Variants in PRICKLE2 observed in about 807,000 individuals in gnomAD.
PRICKLE2 encodes the protein prickle planar cell polarity protein 2.
PRICKLE2 carries 21 observed loss-of-function variants against 81.4 expected under a neutral mutation model. That is an observed-to-expected ratio of 0.26 (90% confidence interval 0.18 to 0.37). The LOEUF (loss-of-function observed/expected upper bound fraction) is 0.37. Among genes scored for constraint, PRICKLE2 ranks in the 10% least tolerant of loss-of-function variants. The probability of loss-of-function intolerance (pLI) is 1.00; values close to 1 mark genes in which losing one functional copy is unlikely to be tolerated. For synonymous variants in PRICKLE2, 456 were observed against 421.5 expected, an observed-to-expected ratio of 1.08 and a Z score of -1.00; for missense variants, 940 against 1,109.0, an observed-to-expected ratio of 0.85 and a Z score of 2.16.
At chr3:64,258,845 A>AGAAAGAAAGAAAGAAAGAAAGAAAG (rs1553663503) in intron 2 of PRICKLE2, among the ~76,000 whole-genome samples, 1 of 34,004 alleles carries the variant, frequency 2.9e-5, no homozygotes, top group Non-Finnish European at 5.2e-5. Context: ...AAAAAAAAAA[A>AGAAAGAAAGAAAGAAAGAAAGAAAG]AAAGAAAGAA....
At chr3:64,257,020 G>T in intron 2 of PRICKLE2, among the ~76,000 whole-genome samples, 1 of 152,158 alleles carries the variant, frequency 6.6e-6, no homozygotes, top group East Asian at 1.9e-4. Flanking sequence ...ACATGTATAA[G>T]TTGCCAACCT....
At chr3:64,113,589 T>C (rs908575589) in intron 7 of PRICKLE2, among the ~76,000 whole-genome samples, 1 of 152,148 alleles carries the variant, frequency 6.6e-6, no homozygotes. Context: ...TGCTGGCACA[T>C]GTCTGCACAG....
chr3:64,241,529 T>A (rs1231072880), intron 2 of PRICKLE2, among the ~76,000 whole-genome samples: 1 of 152,228 alleles, frequency 6.6e-6, no homozygotes, highest in South Asian at 2.1e-4. Flanking sequence ...TACCAGCTTT[T>A]CAGTATTTTA....
chr3:64,242,556 T>A (rs1174038701), intron 2 of PRICKLE2, among the ~76,000 whole-genome samples: 1 of 152,282 alleles, frequency 6.6e-6, no homozygotes, highest in African/African-American at 2.4e-5. Context: ...ATTTACAGTA[T>A]AGAGCAACAA....
rs560238850 is a variant in PRICKLE2 at position 64,198,090 on chromosome 3, T to C, written c.144+694A>G. On this transcript the variant is annotated intron_variant, in intron 2 of 7. Coordinates refer to ENST00000638394, the MANE Select transcript of PRICKLE2 (RefSeq NM_198859.4). ...AGCCAGGGGTGGTGGCGGGTGCCTG[T>C]AGTCCCAGCTACTCGGGAGGCTAAG... Among the ~76,000 whole-genome samples, 49 of 151,990 alleles carry C rather than the reference T, an allele frequency of 3.2e-4. No homozygotes were observed. In the South Asian group the frequency reaches 1.0e-2, roughly 31 times the overall value.
At chr3:64,155,591 C>T (rs1487268496) in intron 5 of PRICKLE2, among the ~76,000 whole-genome samples, 5 of 152,060 alleles carry the variant, frequency 3.3e-5, no homozygotes, top group African/African-American at 9.7e-5. Flanking sequence ...TTCATAGCAG[C>T]GTTGTTTAGA....
chr3:64,131,760 T>C (rs1320609754), intron 7 of PRICKLE2, among the ~76,000 whole-genome samples: 1 of 152,216 alleles, frequency 6.6e-6, no homozygotes, highest in Non-Finnish European at 1.5e-5. Context: ...CTCCACCCTG[T>C]ACTTCTCAAT....
chr3:64,159,828 A>G lies in PRICKLE2; in HGVS notation c.396+112T>C, dbSNP rs953958214. On this transcript the variant is annotated intron_variant, in intron 4 of 7. Transcript: ENST00000638394. ...GATGAAACTTTCCCGTCTTTTGTTC[A>G]CTACTGTATCTCAGGCACATAGTAG... 4.7e-5 allele frequency: 65 copies of G among 1,382,314 alleles called. No homozygotes were observed. In the African/African-American group the frequency reaches 9.1e-4, roughly 19 times the overall value. The allele number at this position is 1,382,314 out of a possible 1,614,324, so 85.6% of individuals were successfully genotyped here. A position where few individuals can be genotyped will look rare whatever the true frequency, so the allele number is the denominator to read the frequency against.
At chr3:64,261,636 C>A (rs2079616110) in intron 2 of PRICKLE2, among the ~76,000 whole-genome samples, 1 of 151,930 alleles carries the variant, frequency 6.6e-6, no homozygotes, top group Admixed American at 6.6e-5. Context: ...AAGCTCCTAG[C>A]CAGGCAAAGA....
At chr3:64,142,478 T>C (rs555334985) in intron 7 of PRICKLE2, among the ~76,000 whole-genome samples, 32 of 152,204 alleles carry the variant, frequency 2.1e-4, no homozygotes, top group African/African-American at 7.7e-4. Flanking sequence ...GCCTGGCTAA[T>C]TTCTGTATTT....
chr3:64,197,528 A>G (rs1224722673), intron 2 of PRICKLE2, among the ~76,000 whole-genome samples: 1 of 152,232 alleles, frequency 6.6e-6, no homozygotes, highest in Non-Finnish European at 1.5e-5. Context: ...CAGCCATAAA[A>G]AAGTACAAGA....
intron 2 of PRICKLE2, among the ~76,000 whole-genome samples, chr3:64,257,953 G>C (rs1345892135): frequency 6.6e-6 from 1 of 152,152 alleles, no homozygotes; most frequent in Non-Finnish European, 1.5e-5. Context: ...CCCTTCCACT[G>C]TGTGAAGACA....
intron 7 of PRICKLE2, among the ~76,000 whole-genome samples, chr3:64,118,626 A>T (rs2076977318): frequency 6.6e-6 from 1 of 152,224 alleles, no homozygotes; most frequent in Non-Finnish European, 1.5e-5. Context: ...AGAGAAATGC[A>T]ACTCAAAACC....
chr3:64,252,965 G>A (rs1220817213), intron 2 of PRICKLE2, among the ~76,000 whole-genome samples: 1 of 152,206 alleles, frequency 6.6e-6, no homozygotes, highest in Non-Finnish European at 1.5e-5. Flanking sequence ...TTCAGCCAGA[G>A]AGTCATAATT....
At chr3:64,214,935 C>T (rs917634099) in intron 1 of PRICKLE2, among the ~76,000 whole-genome samples, 15 of 152,180 alleles carry the variant, frequency 9.9e-5, no homozygotes, top group African/African-American at 3.6e-4. Flanking sequence ...TCTCTTTTTA[C>T]CACCTCTATC....
chr3:64,209,818 A>G (rs983197064), intron 1 of PRICKLE2, among the ~76,000 whole-genome samples: 1 of 152,252 alleles, frequency 6.6e-6, no homozygotes, highest in Non-Finnish European at 1.5e-5. Flanking sequence ...GATTGTGATA[A>G]GTGTTATGAC....
intron 1 of PRICKLE2, among the ~76,000 whole-genome samples, chr3:64,219,570 AAGCAG>A (rs1350725313): frequency 1.3e-5 from 2 of 152,228 alleles, no homozygotes; most frequent in Admixed American, 1.3e-4. Context: ...GCCACATTAA[AAGCAG>A]AAGGTGAAGA....
intron 7 of PRICKLE2, among the ~76,000 whole-genome samples, chr3:64,106,464 A>C (rs1216046511): frequency 6.6e-6 from 1 of 152,236 alleles, no homozygotes; most frequent in East Asian, 1.9e-4. Context: ...ACAGGCAAAC[A>C]AATATCATTG....
At chr3:64,232,610 C>T (rs1403091652) in intron 2 of PRICKLE2, among the ~76,000 whole-genome samples, 11 of 152,170 alleles carry the variant, frequency 7.2e-5, no homozygotes, top group African/African-American at 1.2e-4. Context: ...GGAGAACCTG[C>T]GGCTAAGTCC....
Sources: allele counts gnomAD v4.1 joint callset (sites outside exome capture counted in the v4.1 genomes callset), GRCh38; gene constraint gnomAD v4.1.1; transcripts MANE v1.5; gene names NCBI Gene and HGNC (gene_info 2026-07-23, HGNC 2026-07-21).